The following CDC42BPA variants were observed in gnomAD, a reference collection of about 807,000 sequenced individuals.
CDC42BPA encodes the protein serine/threonine-protein kinase MRCK alpha.
In CDC42BPA, 80 loss-of-function variants were observed where a neutral mutation model predicts 223.5. The observed-to-expected ratio is 0.36, with a 90% confidence interval of 0.30 to 0.43. The LOEUF (loss-of-function observed/expected upper bound fraction) is 0.43, where lower values mean the gene tolerates loss of function less well. CDC42BPA is among the 20% of genes least tolerant of loss of function. CDC42BPA has a pLI of 1.00. For synonymous variants in CDC42BPA, 694 were observed against 718.6 expected, an observed-to-expected ratio of 0.97 and a Z score of 0.55; for missense variants, 1,743 against 2,099.9, an observed-to-expected ratio of 0.83 and a Z score of 3.32.
Position 227,282,551 on chromosome 1 carries a change from T to C in CDC42BPA, c.179-28396A>G, listed in dbSNP as rs575075445. Among the ~76,000 whole-genome samples, 9 of 152,344 alleles carry C rather than the reference T, an allele frequency of 5.9e-5. No individual in the cohort carries two copies. In the South Asian group the frequency reaches 1.0e-3, roughly 18 times the overall value. ...GGCTCTCTGGTATTACCGGCAGTTATCTAAGATCTTGATTAATATGTTATT... is the reference window on the plus strand; with the variant it reads ...GGCTCTCTGGTATTACCGGCAGTTACCTAAGATCTTGATTAATATGTTATT... On this transcript the variant is annotated intron_variant, in intron 1 of 36. Transcript: ENST00000366766.
intron 21 of CDC42BPA, among the ~76,000 whole-genome samples, chr1:227,056,890 T>C (rs1196736065): frequency 6.6e-6 from 1 of 152,212 alleles, no homozygotes; most frequent in Non-Finnish European, 1.5e-5. Context: ...AGTAAATACA[T>C]TTTATTGCGC....
intron 2 of CDC42BPA, among the ~76,000 whole-genome samples, chr1:227,235,996 TC>T (rs1329367056): frequency 6.6e-6 from 1 of 152,168 alleles, no homozygotes; most frequent in East Asian, 1.9e-4. Context: ...TCTCCTGGGG[TC>T]CCTGAATCAG....
chr1:227,146,108 A>G (rs1481592518), intron 7 of CDC42BPA, among the ~76,000 whole-genome samples: 1 of 152,170 alleles, frequency 6.6e-6, no homozygotes, highest in East Asian at 1.9e-4. Context: ...TTAACTAATA[A>G]TAAATATTTT....
chr1:227,193,739 A>T (rs752127969), intron 5 of CDC42BPA, 47 bp downstream of exon 5: 5 of 1,438,124 alleles, frequency 3.5e-6, no homozygotes, highest in Non-Finnish European at 3.7e-6. Flanking sequence ...CTGTTGCTAG[A>T]TATTACATGG....
At chr1:227,104,139 T>G (rs666559) in intron 14 of CDC42BPA, among the ~76,000 whole-genome samples, 43,087 of 151,904 alleles carry the variant, frequency 0.28, 6,326 homozygotes, top group African/African-American at 0.35. Flanking sequence ...CAGAAAATAT[T>G]ATTAATAAAA....
At chr1:227,144,583 A>AAAAAAAAC (rs1660355874) in intron 8 of CDC42BPA, among the ~76,000 whole-genome samples, 1 of 149,210 alleles carries the variant, frequency 6.7e-6, no homozygotes, top group African/African-American at 2.4e-5. Flanking sequence ...TCAAAAAAAA[A>AAAAAAAAC]AAAAAAAAAA....
At chr1:227,161,870 A>T (rs2149813095) in intron 5 of CDC42BPA, among the ~76,000 whole-genome samples, 1 of 152,308 alleles carries the variant, frequency 6.6e-6, no homozygotes, top group South Asian at 2.1e-4. Context: ...CTAAAGAGAG[A>T]CAGGGTGATT....
In CDC42BPA at chr1:227,203,449, A is replaced by C. The variant is rs544699761; in HGVS notation, c.355-3797T>G. On this transcript the variant is annotated intron_variant, in intron 3 of 36. Coordinates refer to ENST00000366766, the MANE Select transcript of CDC42BPA (RefSeq NM_001394014.1). ...TGTTGAGAAGCCCTGTTCTAGATCA[A>C]TATTAACCAAATCATGATGCACATA... Among the ~76,000 whole-genome samples, 9 of 152,292 alleles carry C rather than the reference A, an allele frequency of 5.9e-5. No individual in the cohort carries two copies. In the South Asian group the frequency reaches 1.9e-3, roughly 32 times the overall value.
At position 227,089,911 on chromosome 1, in the gene CDC42BPA, A is replaced by G. The variant is rs1029937169; in HGVS notation, c.2355+1975T>C. Reference sequence around the variant, plus strand: ...CCAATACAATTTTTCTTAAAATGTAATAACATCTTTTAGTAGGTAACTCAA... The same window carrying G: ...CCAATACAATTTTTCTTAAAATGTAGTAACATCTTTTAGTAGGTAACTCAA... On this transcript the variant is annotated intron_variant, in intron 16 of 36. Coordinates refer to ENST00000366766, the MANE Select transcript of CDC42BPA (RefSeq NM_001394014.1). 6.6e-5 allele frequency among the ~76,000 whole-genome samples: 10 copies of G among 152,330 alleles called. No homozygotes were observed. In the South Asian group the frequency reaches 1.4e-3, roughly 22 times the overall value.
At chr1:227,042,445 G>A (rs1671568282) in intron 23 of CDC42BPA, among the ~76,000 whole-genome samples, 1 of 152,034 alleles carries the variant, frequency 6.6e-6, no homozygotes, top group Non-Finnish European at 1.5e-5. Context: ...CCAACTGGTA[G>A]GTGCTGGTTA....
chr1:227,299,428 C>CT (rs1225774623), intron 1 of CDC42BPA, among the ~76,000 whole-genome samples: 1 of 151,982 alleles, frequency 6.6e-6, no homozygotes, highest in Non-Finnish European at 1.5e-5. Context: ...CCTTTTACTT[C>CT]TTTTTTTAAA....
At chr1:227,283,623 A>G (rs535486279) in intron 1 of CDC42BPA, among the ~76,000 whole-genome samples, 1 of 152,334 alleles carries the variant, frequency 6.6e-6, no homozygotes, top group South Asian at 2.1e-4. Context: ...ACTCCAAAGG[A>G]AAGAGGACAG....
chr1:227,159,672 A>G (rs1442369759), intron 6 of CDC42BPA, among the ~76,000 whole-genome samples: 1 of 152,120 alleles, frequency 6.6e-6, no homozygotes, highest in Non-Finnish European at 1.5e-5. Flanking sequence ...AAACAGAATA[A>G]AACTGTGGCA....
intron 12 of CDC42BPA, among the ~76,000 whole-genome samples, chr1:227,114,017 C>CAAAAA (rs374913161): frequency 4.2e-5 from 5 of 120,292 alleles, no homozygotes; most frequent in Admixed American, 8.5e-5. Context: ...GACTCCAACT[C>CAAAAA]AAAAAAAAAG....
chr1:227,006,408 G>A (rs1404471587), intron 34 of CDC42BPA, among the ~76,000 whole-genome samples: 2 of 152,170 alleles, frequency 1.3e-5, no homozygotes, highest in Non-Finnish European at 2.9e-5. Context: ...GTGCTGCACA[G>A]CTGACTGACA....
chr1:227,208,179 T>G (rs1358728702), intron 3 of CDC42BPA, among the ~76,000 whole-genome samples: 2 of 149,766 alleles, frequency 1.3e-5, no homozygotes, highest in African/African-American at 2.4e-5. Flanking sequence ...GAGAAGTGTC[T>G]GTTCATGTCC....
chr1:227,010,425 A>G (rs1664950119), intron 34 of CDC42BPA, among the ~76,000 whole-genome samples: 1 of 152,184 alleles, frequency 6.6e-6, no homozygotes, highest in Non-Finnish European at 1.5e-5. Context: ...TTTATTGTAG[A>G]TAGGTCTGTG....
At chr1:227,070,616 T>C (rs1678102698) in intron 20 of CDC42BPA, among the ~76,000 whole-genome samples, 1 of 151,894 alleles carries the variant, frequency 6.6e-6, no homozygotes, top group Non-Finnish European at 1.5e-5. Context: ...GGTAAGGCAG[T>C]ATGTTCAGAA....
chr1:227,126,520 G>T (rs1689667346), intron 11 of CDC42BPA, among the ~76,000 whole-genome samples: 1 of 86,054 alleles, frequency 1.2e-5, no homozygotes, highest in African/African-American at 4.4e-5. Flanking sequence ...AGGAAGGAAG[G>T]TAAGAAAGGA....
Sources: gnomAD v4.1 joint callset for allele counts (sites outside exome capture counted in the v4.1 genomes callset) on GRCh38, gnomAD v4.1.1 for gene constraint, MANE v1.5 for transcripts, NCBI Gene and HGNC (gene_info 2026-07-23, HGNC 2026-07-21) for gene names.